Variants in SIK2 observed in about 807,000 individuals in gnomAD.
The protein encoded by SIK2 is salt inducible kinase 2.
SIK2 carries 29 observed loss-of-function variants against 103.2 expected under a neutral mutation model. The ratio of observed to expected loss-of-function variants is 0.28; its 90% CI spans 0.21 to 0.38. The LOEUF is 0.38. SIK2 is among the 10% of genes least tolerant of loss of function. SIK2 has a pLI of 1.00. For synonymous variants in SIK2, 412 were observed against 446.1 expected (o/e 0.92, Z 0.96); for missense variants, 879 against 1,171.0 (o/e 0.75, Z 3.64).
intron 3 of SIK2, among the ~76,000 whole-genome samples, chr11:111,685,512 G>A (rs937101872): frequency 6.6e-6 from 1 of 152,086 alleles, no homozygotes; most frequent in African/African-American, 2.4e-5. Context: ...AAGTGAAGAG[G>A]GACTTAAGGT....
intron 10 of SIK2, 46 bp downstream of exon 10, chr11:111,720,049 T>G: frequency 1.3e-6 from 2 of 1,562,484 alleles, no homozygotes; most frequent in Non-Finnish European, 1.7e-6. Flanking sequence ...TGGCATCATG[T>G]CATACTCCAA....
At chr11:111,611,016 C>A (rs1941716729) in intron 1 of SIK2, among the ~76,000 whole-genome samples, 1 of 151,884 alleles carries the variant, frequency 6.6e-6, no homozygotes, top group Admixed American at 6.6e-5. Context: ...GAGGCCAAGG[C>A]AAGAGGATTA....
chr11:111,702,925 C>CTGTT (rs10666820), intron 6 of SIK2, among the ~76,000 whole-genome samples: 144,159 of 152,012 alleles, frequency 0.95, 68,717 homozygotes, highest in East Asian at 1. Context: ...AAACCAAAGT[C>CTGTT]TGTTTCTAGA....
chr11:111,723,398 A>G, intron 14 of SIK2, 98 bp from the exon 15 acceptor site: 2 of 1,313,870 alleles, frequency 1.5e-6, no homozygotes, highest in Admixed American at 2.3e-5. Context: ...GAGAGACTTA[A>G]GTAGAAGACT....
chr11:111,713,864 G>T (rs1943568352), intron 9 of SIK2, among the ~76,000 whole-genome samples: 1 of 152,190 alleles, frequency 6.6e-6, no homozygotes, highest in African/African-American at 2.4e-5. Context: ...CTACTCGGGA[G>T]GCTGAGGCAA....
intron 3 of SIK2, among the ~76,000 whole-genome samples, chr11:111,631,897 A>G (rs1462497072): frequency 6.6e-6 from 1 of 152,170 alleles, no homozygotes; most frequent in Admixed American, 6.6e-5. Context: ...GAATGCATCT[A>G]CGGTGTGTGA....
At chr11:111,634,398 A>C (rs952566475) in intron 3 of SIK2, among the ~76,000 whole-genome samples, 1 of 152,104 alleles carries the variant, frequency 6.6e-6, no homozygotes, top group Non-Finnish European at 1.5e-5. Flanking sequence ...AGTTTAAATA[A>C]ATTTTGAAGG....
At chr11:111,636,056 AAATT>A (rs1942104182) in intron 3 of SIK2, among the ~76,000 whole-genome samples, 1 of 152,242 alleles carries the variant, frequency 6.6e-6, no homozygotes, top group Non-Finnish European at 1.5e-5. Flanking sequence ...CAGTAAGATT[AAATT>A]AATTCAGAAA....
chr11:111,632,546 A>T (rs538633870), intron 3 of SIK2, among the ~76,000 whole-genome samples: 1 of 152,232 alleles, frequency 6.6e-6, no homozygotes, highest in African/African-American at 2.4e-5. Flanking sequence ...CAGAAACCTT[A>T]TAAGATGGAT....
At chr11:111,659,502 G>T (rs534970722) in intron 3 of SIK2, among the ~76,000 whole-genome samples, 1 of 152,360 alleles carries the variant, frequency 6.6e-6, no homozygotes, top group South Asian at 2.1e-4. Context: ...TAAAAGAGTA[G>T]TGTTGTTCTT....
chr11:111,637,865 A>G (rs900306196), intron 3 of SIK2, among the ~76,000 whole-genome samples: 2 of 151,936 alleles, frequency 1.3e-5, no homozygotes, highest in Non-Finnish European at 2.9e-5. Flanking sequence ...TTCTTCGTGT[A>G]GTCTTTCTTC....
intron 1 of SIK2, among the ~76,000 whole-genome samples, chr11:111,605,946 G>A (rs932318486): frequency 6.6e-6 from 1 of 152,080 alleles, no homozygotes; most frequent in East Asian, 1.9e-4. Flanking sequence ...TTCCTAATAC[G>A]CTTTGCAAAG....
chr11:111,676,937 T>C (rs557323478), intron 3 of SIK2, among the ~76,000 whole-genome samples: 32 of 152,318 alleles, frequency 2.1e-4, no homozygotes, highest in Non-Finnish European at 3.7e-4. Context: ...ATAAATATTA[T>C]TATAACACTA....
intron 3 of SIK2, among the ~76,000 whole-genome samples, chr11:111,623,893 G>A (rs1339039049): frequency 6.6e-6 from 1 of 152,168 alleles, no homozygotes; most frequent in African/African-American, 2.4e-5. Context: ...AGACATTGCT[G>A]GGCCACACCT....
intron 2 of SIK2, 56 bp downstream of exon 2, chr11:111,616,415 G>A (rs1307394070): frequency 2.0e-5 from 19 of 960,346 alleles, no homozygotes; most frequent in African/African-American, 6.6e-5. Context: ...TCTCTATTTC[G>A]TATCATGATT....
At chr11:111,605,676 A>G (rs986418208) in intron 1 of SIK2, among the ~76,000 whole-genome samples, 37 of 152,090 alleles carry the variant, frequency 2.4e-4, no homozygotes, top group Non-Finnish European at 1.6e-4. Flanking sequence ...GGACCCTTTT[A>G]TTTTTAACTG....
At chr11:111,604,629 C>T (rs1470811741) in intron 1 of SIK2, among the ~76,000 whole-genome samples, 2 of 152,120 alleles carry the variant, frequency 1.3e-5, no homozygotes, top group East Asian at 3.9e-4. Flanking sequence ...AGAGTGAGAT[C>T]AATGCATTCA....
chr11:111,695,614 C>A (rs928539409), intron 4 of SIK2, among the ~76,000 whole-genome samples: 4 of 152,194 alleles, frequency 2.6e-5, no homozygotes, highest in African/African-American at 9.7e-5. Context: ...TGGAGACCAG[C>A]AGCATGAGCA....
At chr11:111,611,073 C>T (rs1279247402) in intron 1 of SIK2, among the ~76,000 whole-genome samples, 1 of 133,666 alleles carries the variant, frequency 7.5e-6, no homozygotes, top group Non-Finnish European at 1.6e-5. Flanking sequence ...TGGTGAAACC[C>T]ACTCTCGACC....
Sources: allele counts gnomAD v4.1 joint callset (sites outside exome capture counted in the v4.1 genomes callset), GRCh38; gene constraint gnomAD v4.1.1; transcripts MANE v1.5; gene names NCBI Gene and HGNC (gene_info 2026-07-23, HGNC 2026-07-21).